The following RBFOX1 variants were observed in gnomAD, a reference collection of about 807,000 sequenced individuals.
RBFOX1 encodes RNA binding fox-1 homolog 1.
In RBFOX1, 8 loss-of-function variants were observed where a neutral mutation model predicts 57.7. That is an observed-to-expected ratio of 0.14 (90% confidence interval 0.08 to 0.25). The LOEUF is 0.25. Ranked by LOEUF, RBFOX1 falls within the 10% of genes least tolerant of loss-of-function variation. RBFOX1 has a pLI of 1.00. For synonymous variants in RBFOX1, 326 were observed against 222.4 expected (o/e 1.47, Z -4.15); for missense variants, 611 against 548.5 (o/e 1.11, Z -1.14).
chr16:6,595,881 T>C (rs1370366930), intron 2 of RBFOX1, among the ~76,000 whole-genome samples: 2 of 152,192 alleles, frequency 1.3e-5, no homozygotes, highest in Admixed American at 6.5e-5. Flanking sequence ...ATTAAAAAAA[T>C]ACTTCGCCAA....
intron 2 of RBFOX1, among the ~76,000 whole-genome samples, chr16:6,505,938 G>T (rs1192539522): frequency 6.6e-6 from 1 of 152,204 alleles, no homozygotes; most frequent in African/African-American, 2.4e-5. Flanking sequence ...GTGGGGTCAG[G>T]AGAGGAGGTT....
At chr16:6,927,788 T>G (rs1332258900) in intron 3 of RBFOX1, among the ~76,000 whole-genome samples, 1 of 152,128 alleles carries the variant, frequency 6.6e-6, no homozygotes, top group Non-Finnish European at 1.5e-5. Flanking sequence ...TTCTGTTGAA[T>G]TAAGCCACCA....
intron 3 of RBFOX1, among the ~76,000 whole-genome samples, chr16:5,669,422 C>CTTTTTTT (rs34318850): frequency 3.4e-5 from 4 of 118,530 alleles, no homozygotes; most frequent in African/African-American, 9.7e-5. Context: ...AACAAGTTGG[C>CTTTTTTT]TTTTTTTTTT....
chr16:6,621,356 C>A (rs192954433), intron 2 of RBFOX1, among the ~76,000 whole-genome samples: 1 of 152,044 alleles, frequency 6.6e-6, no homozygotes, highest in Non-Finnish European at 1.5e-5. Flanking sequence ...CCCAGCTACT[C>A]GGGAGGCTGA....
intron 2 of RBFOX1, among the ~76,000 whole-genome samples, chr16:6,542,507 T>TTTTTTTTTTTA (rs3066933): frequency 5.6e-5 from 6 of 107,040 alleles, no homozygotes; most frequent in African/African-American, 6.9e-5. Flanking sequence ...TTTTTTTTTT[T>TTTTTTTTTTTA]GAGCAGGAGT....
At chr16:7,605,674 C>T (rs1330204482) in intron 9 of RBFOX1, among the ~76,000 whole-genome samples, 5 of 152,144 alleles carry the variant, frequency 3.3e-5, no homozygotes, top group East Asian at 1.9e-4. Context: ...TCTCTCTTCT[C>T]GGCAAACCTC....
intron 14 of RBFOX1, among the ~76,000 whole-genome samples, chr16:7,688,066 C>G (rs1322660268): frequency 6.6e-6 from 1 of 151,928 alleles, no homozygotes; most frequent in Non-Finnish European, 1.5e-5. Context: ...GGCTAAAAAC[C>G]TCTGCCTTAT....
Position 5,657,346 on chromosome 16 carries a change from C to G in RBFOX1, c.318+58385C>G, listed in dbSNP as rs550751257. On this transcript the variant is annotated intron_variant, in intron 3 of 19. Transcript: ENST00000641259. ...CAAACCCTTTGTGGTCTTTCTCACA[C>G]TTAATCCACATTATAAGACAGTATG... Among the ~76,000 whole-genome samples, 9 of 152,330 alleles carry G rather than the reference C, an allele frequency of 5.9e-5. No homozygotes were observed. The East Asian group carries it at 1.7e-3, about 29-fold the overall frequency.
At chr16:5,602,379 A>C (rs1375422442), downstream of RBFOX1, among the ~76,000 whole-genome samples, 1 of 152,218 alleles carries the variant, frequency 6.6e-6, no homozygotes, top group Non-Finnish European at 1.5e-5. Flanking sequence ...TAGTAGCACA[A>C]ATAATTTTTA....
At chr16:5,881,389 G>C (rs994696792) in intron 4 of RBFOX1, among the ~76,000 whole-genome samples, 2 of 152,132 alleles carry the variant, frequency 1.3e-5, no homozygotes, top group Non-Finnish European at 1.5e-5. Flanking sequence ...GCATTTAAGA[G>C]TATTAGGGGT....
chr16:7,272,871 C>CCTTCCTTCCCTCCTTT (rs1381896503), intron 4 of RBFOX1, among the ~76,000 whole-genome samples: 10 of 138,226 alleles, frequency 7.2e-5, no homozygotes, highest in Non-Finnish European at 1.4e-4. Flanking sequence ...TCCGTTCTTC[C>CCTTCCTTCCCTCCTTT]CTTCCTTCCC....
intron 4 of RBFOX1, among the ~76,000 whole-genome samples, chr16:7,442,248 C>T (rs997702047): frequency 2.6e-5 from 4 of 152,124 alleles, no homozygotes; most frequent in South Asian, 4.1e-4. Context: ...GGTGTTCTCC[C>T]CAGCCATCCC....
chr16:6,195,307 T>C (rs1344090565), intron 1 of RBFOX1, among the ~76,000 whole-genome samples: 1 of 152,252 alleles, frequency 6.6e-6, no homozygotes, highest in East Asian at 1.9e-4. Context: ...GCCTCCATTT[T>C]AACTCTTGAC....
intron 1 of RBFOX1, among the ~76,000 whole-genome samples, chr16:6,133,736 T>C (rs776914759): frequency 6.6e-6 from 1 of 152,036 alleles, no homozygotes; most frequent in Non-Finnish European, 1.5e-5. Flanking sequence ...TCAGGAAAGA[T>C]TTATTCCTTA....
In RBFOX1 at chr16:7,517,823, C is replaced by CAA. The variant is rs35825566; in HGVS notation, c.28-310_28-309dup. ...TGGGAATGAAATAAAAAGGATCTGC[C>CAA]AAAAAAAAAAAAAAATCAATCTAGT... On this transcript the variant is annotated intron_variant, in intron 4 of 15. Transcript: ENST00000550418. Among the ~76,000 whole-genome samples the CAA allele has an allele frequency of 4.8e-3, 598 of 124,898 alleles. 6 individuals are homozygous for CAA. Among genetic ancestry groups the CAA allele is most frequent in the East Asian group, 0.026 (119 of 4,584 alleles). 81.9% of individuals were successfully genotyped at this position (124,898 alleles called of 152,430 possible).
chr16:6,879,113 C>T (rs928599930), intron 3 of RBFOX1, among the ~76,000 whole-genome samples: 1 of 152,192 alleles, frequency 6.6e-6, no homozygotes, highest in South Asian at 2.1e-4. Flanking sequence ...GAATATATTA[C>T]AGTTTGACCT....
chr16:7,123,152 T>C (rs556968548), intron 4 of RBFOX1, among the ~76,000 whole-genome samples: 9 of 152,134 alleles, frequency 5.9e-5, no homozygotes, highest in Non-Finnish European at 7.4e-5. Context: ...TAAATTATGT[T>C]AACATTTATG....
At chr16:6,665,314 C>G (rs28752057) in intron 3 of RBFOX1, among the ~76,000 whole-genome samples, 37,007 of 151,954 alleles carry the variant, frequency 0.24, 4,613 homozygotes, top group East Asian at 0.29. Context: ...CTTAAATGGA[C>G]TAAAAAATGA....
In RBFOX1 at chr16:6,361,241, G is replaced by C. The variant is rs557637764; in HGVS notation, c.-64+44184G>C. Among the ~76,000 whole-genome samples the C allele has an allele frequency of 2.3e-4, 35 of 152,256 alleles. 1 individual carries two copies. The South Asian group carries it at 4.6e-3, about 20-fold the overall frequency. On this transcript the variant is annotated intron_variant, in intron 2 of 15. Coordinates refer to ENST00000550418, the MANE Select transcript of RBFOX1 (RefSeq NM_018723.4). ...AAGAAAGGCACAGAGGAAAGATTCT[G>C]ACACTTGAAGCACTGCTCAGCAGGG...
Sources: gnomAD v4.1 joint callset for allele counts (sites outside exome capture counted in the v4.1 genomes callset) on GRCh38, gnomAD v4.1.1 for gene constraint, MANE v1.5 for transcripts, NCBI Gene and HGNC (gene_info 2026-07-23, HGNC 2026-07-21) for gene names.